ZNF521: variants seen among roughly 807,000 people sequenced by gnomAD.
ZNF521 encodes the protein LYST-interacting protein 3.
ZNF521 carries 14 observed loss-of-function variants against 105.5 expected under a neutral mutation model. The observed-to-expected ratio is 0.13, with a 90% CI of 0.09 to 0.21. The LOEUF (loss-of-function observed/expected upper bound fraction) is 0.21, where lower values mean the gene tolerates loss of function less well. Among genes scored for constraint, ZNF521 ranks in the 10% least tolerant of loss-of-function variants. ZNF521 has a pLI of 1.00. For missense variants in ZNF521, 1,233 were observed against 1,629.7 expected, an observed-to-expected ratio of 0.76 and a Z score of 4.19; for synonymous variants, 635 against 606.0, an observed-to-expected ratio of 1.05 and a Z score of -0.70.
intron 3 of ZNF521, among the ~76,000 whole-genome samples, chr18:25,240,930 T>C (rs1907282161): frequency 7.2e-6 from 1 of 139,042 alleles, no homozygotes; most frequent in South Asian, 2.2e-4. Context: ...TTGTGTCATA[T>C]GCAATGAACC....
intron 5 of ZNF521, among the ~76,000 whole-genome samples, chr18:25,165,958 G>A (rs996763341): frequency 6.6e-6 from 1 of 152,102 alleles, no homozygotes; most frequent in Admixed American, 6.6e-5. Context: ...GAACCACTCT[G>A]TGTGTTTAAT....
intron 6 of ZNF521, 140 bp from the exon 7 acceptor site, chr18:25,089,720 A>G: frequency 1.5e-6 from 1 of 678,372 alleles, no homozygotes; most frequent in South Asian, 1.8e-5. Flanking sequence ...GGGAGAGCTG[A>G]GTCACATTTG....
intron 5 of ZNF521, among the ~76,000 whole-genome samples, chr18:25,181,770 G>A (rs1415081226): frequency 3.3e-5 from 5 of 152,170 alleles, no homozygotes; most frequent in Non-Finnish European, 7.4e-5. Flanking sequence ...TGTCGTCACA[G>A]ACTAATTATA....
chr18:25,229,577 T>C (rs1242846711), intron 3 of ZNF521, among the ~76,000 whole-genome samples: 6 of 152,090 alleles, frequency 3.9e-5, no homozygotes, highest in Non-Finnish European at 8.8e-5. Context: ...AACTCAATAA[T>C]GATCTAGTTT....
intron 4 of ZNF521, among the ~76,000 whole-genome samples, chr18:25,206,382 G>T (rs1255492799): frequency 6.6e-6 from 1 of 152,040 alleles, no homozygotes; most frequent in African/African-American, 2.4e-5. Context: ...ACTCATACCT[G>T]TTCACTGTGC....
intron 3 of ZNF521, among the ~76,000 whole-genome samples, chr18:25,285,243 G>A (rs548081759): frequency 3.9e-5 from 6 of 152,124 alleles, no homozygotes; most frequent in Non-Finnish European, 7.3e-5. Context: ...TTGGGGACAC[G>A]CAACAATATA....
intron 3 of ZNF521, among the ~76,000 whole-genome samples, chr18:25,252,317 T>C (rs1263290623): frequency 6.6e-6 from 1 of 152,134 alleles, no homozygotes; most frequent in Admixed American, 6.6e-5. Flanking sequence ...AATAAGGTAG[T>C]CAAATGAGAC....
chr18:25,135,237 C>T (rs111937000), intron 5 of ZNF521, among the ~76,000 whole-genome samples: 2,258 of 151,106 alleles, frequency 0.015, 55 homozygotes, highest in African/African-American at 0.05. Context: ...GGCTTCTTTA[C>T]CTTATTTTAT....
At chr18:25,319,287 C>T (rs1183717802) in intron 3 of ZNF521, among the ~76,000 whole-genome samples, 2 of 152,074 alleles carry the variant, frequency 1.3e-5, no homozygotes, top group East Asian at 3.9e-4. Context: ...TATGAACTTG[C>T]AATAGACATA....
intron 3 of ZNF521, among the ~76,000 whole-genome samples, chr18:25,274,543 T>C (rs75980432): frequency 0.049 from 7,424 of 152,242 alleles, 341 homozygotes; most frequent in African/African-American, 0.11. Flanking sequence ...TTCCAAAGAT[T>C]ATGTATTACA....
intron 3 of ZNF521, among the ~76,000 whole-genome samples, chr18:25,253,005 T>TA (rs1446314054): frequency 3.3e-4 from 50 of 152,174 alleles, no homozygotes; most frequent in African/African-American, 1.1e-3. Flanking sequence ...ACGCAGTAGT[T>TA]ACTACCATTC....
chr18:25,157,773 C>T (rs372796545), intron 5 of ZNF521, among the ~76,000 whole-genome samples: 10 of 150,932 alleles, frequency 6.6e-5, no homozygotes, highest in Middle Eastern at 3.4e-3. Context: ...TTTTTTGAGA[C>T]GGAGTCTTGC....
At chr18:25,327,831 T>C (rs547992004) in intron 2 of ZNF521, among the ~76,000 whole-genome samples, 3 of 152,102 alleles carry the variant, frequency 2.0e-5, no homozygotes, top group Non-Finnish European at 2.9e-5. Flanking sequence ...TGCTGCCTCA[T>C]TTTTTTTATT....
intron 5 of ZNF521, among the ~76,000 whole-genome samples, chr18:25,164,896 G>T (rs2035311577): frequency 6.6e-6 from 1 of 152,156 alleles, no homozygotes; most frequent in Non-Finnish European, 1.5e-5. Context: ...CACCTGGATA[G>T]GTCTGCCCCT....
At chr18:25,196,283 TA>T (rs1568004462) in intron 4 of ZNF521, among the ~76,000 whole-genome samples, 1 of 151,692 alleles carries the variant, frequency 6.6e-6, no homozygotes, top group South Asian at 2.1e-4. Flanking sequence ...CATTTTCTTA[TA>T]AGCGTTTTTT....
Position 25,225,776 on chromosome 18 carries a change from C to T in ZNF521, c.2142G>A (p.Leu714=), listed in dbSNP as rs762308273. The change falls in exon 4 of 8, where the codon CTG becomes CTA. Residue 714 remains leucine, a synonymous_variant. Transcript: ENST00000361524. The surrounding 1 kb of genome is among the most constrained non-coding windows in gnomAD (Gnocchi z 5.6). ...GAAAGAAGACAAAGGTGTGCATGTC[C>T]AGCAGGTGTTTCTGAAGGTCATCCA... ...TSVDDLQKHL[L]DMHTFVFFRC... 9 of 1,614,232 alleles carry T rather than the reference C, an allele frequency of 5.6e-6. No individual in the cohort carries two copies. Among genetic ancestry groups the T allele is most frequent in the Non-Finnish European group, 7.6e-6 (9 of 1,180,032 alleles).
At chr18:25,195,268 G>C (rs1340453594) in intron 4 of ZNF521, 24 bp from the exon 5 acceptor site, 2 of 1,524,494 alleles carry the variant, frequency 1.3e-6, no homozygotes, top group Non-Finnish European at 1.8e-6. Flanking sequence ...TATAAACAGA[G>C]TTACTTAGAC....
chr18:25,291,911 G>A (rs1006434911), intron 3 of ZNF521, among the ~76,000 whole-genome samples: 1 of 151,602 alleles, frequency 6.6e-6, no homozygotes, highest in Admixed American at 6.6e-5. Context: ...CCAGTCATTT[G>A]GAAGTTCCAA....
chr18:25,088,342 A>G (rs972207519), intron 7 of ZNF521, among the ~76,000 whole-genome samples: 1 of 151,496 alleles, frequency 6.6e-6, no homozygotes, highest in African/African-American at 2.4e-5. Context: ...CAGCCTCTCA[A>G]GTAGCTGGGA....
Sources: allele counts gnomAD v4.1 joint callset (sites outside exome capture counted in the v4.1 genomes callset), GRCh38; gene constraint gnomAD v4.1.1; non-coding constraint Gnocchi (gnomAD v3.1); transcripts MANE v1.5; gene names NCBI Gene and HGNC (gene_info 2026-07-23, HGNC 2026-07-21).